Variants in PARD3B observed in about 807,000 individuals in gnomAD.
PARD3B encodes the protein partitioning defective 3 homolog B.
A neutral mutation model predicts 130.2 loss-of-function variants in PARD3B; 103 were observed. The ratio of observed to expected loss-of-function variants is 0.79; its 90% CI spans 0.67 to 0.93. The LOEUF (loss-of-function observed/expected upper bound fraction) is 0.93, where lower values mean the gene tolerates loss of function less well. Among genes scored for constraint, PARD3B ranks in the 40% least tolerant of loss-of-function variants. The pLI is 0.00. For missense variants in PARD3B, 1,609 were observed against 1,499.2 expected, an observed-to-expected ratio of 1.07 and a Z score of -1.21; for synonymous variants, 583 against 553.2, an observed-to-expected ratio of 1.05 and a Z score of -0.76.
chr2:204,625,546 T>A (rs2034458377), intron 1 of PARD3B, among the ~76,000 whole-genome samples: 1 of 152,180 alleles, frequency 6.6e-6, no homozygotes, highest in South Asian at 2.1e-4. Flanking sequence ...ATAAAATACA[T>A]GACATTGGTA....
chr2:205,585,447 A>C lies in PARD3B; in HGVS notation c.3261-30009A>C, dbSNP rs1332540431. ...TTAAAGGGTTAATCCAACCTAATGA[A>C]TCATTTAATGGGGATGAGAAGGCCA... On this transcript the variant is annotated intron_variant, in intron 22 of 22. Transcript: ENST00000406610. The surrounding 1 kb of genome is among the most constrained non-coding windows in gnomAD (Gnocchi z 5.4). 1.3e-5 allele frequency among the ~76,000 whole-genome samples: 2 copies of C among 152,148 alleles called. No individual in the cohort carries two copies. Among genetic ancestry groups the C allele is most frequent in the African/African-American group, 4.8e-5 (2 of 41,436 alleles).
chr2:205,481,696 G>A (rs545881248), intron 20 of PARD3B, among the ~76,000 whole-genome samples: 3 of 152,240 alleles, frequency 2.0e-5, no homozygotes, highest in East Asian at 3.9e-4. Flanking sequence ...TACCCTACTT[G>A]GTTTTACTCT....
intron 1 of PARD3B, among the ~76,000 whole-genome samples, chr2:204,604,839 T>A (rs2033650117): frequency 6.6e-6 from 1 of 152,138 alleles, no homozygotes; most frequent in African/African-American, 2.4e-5. Flanking sequence ...GGCTTGTGGG[T>A]CAGGAATTTG....
chr2:205,084,708 C>T (rs916034317), intron 4 of PARD3B, among the ~76,000 whole-genome samples: 3 of 151,560 alleles, frequency 2.0e-5, no homozygotes, highest in Non-Finnish European at 4.4e-5. Context: ...GGTTTTTGCT[C>T]GTTTTTAGGT....
chr2:204,625,733 A>G (rs2034464391), intron 1 of PARD3B, among the ~76,000 whole-genome samples: 1 of 152,162 alleles, frequency 6.6e-6, no homozygotes, highest in Admixed American at 6.5e-5. Flanking sequence ...CAAGTTATTT[A>G]GGTTATTTAT....
chr2:205,378,281 A>G (rs755335440), intron 18 of PARD3B, among the ~76,000 whole-genome samples: 61 of 152,150 alleles, frequency 4.0e-4, no homozygotes, highest in Non-Finnish European at 7.2e-4. Flanking sequence ...GAATCCATCA[A>G]TCAACCAGTG....
intron 2 of PARD3B, among the ~76,000 whole-genome samples, chr2:204,849,533 T>G (rs1470651583): frequency 6.6e-6 from 1 of 152,204 alleles, no homozygotes; most frequent in African/African-American, 2.4e-5. Flanking sequence ...GTAATCTAAC[T>G]TCTGAACCTT....
chr2:204,956,701 T>C (rs1235854519), intron 2 of PARD3B, among the ~76,000 whole-genome samples: 12 of 152,182 alleles, frequency 7.9e-5, no homozygotes, highest in Non-Finnish European at 1.8e-4. Flanking sequence ...GGGATCATCT[T>C]TGAGAATCTT....
chr2:204,847,079 A>G (rs1356290521), intron 2 of PARD3B, among the ~76,000 whole-genome samples: 1 of 152,094 alleles, frequency 6.6e-6, no homozygotes, highest in Non-Finnish European at 1.5e-5. Context: ...GACTATCGCC[A>G]CGTATTTCTA....
intron 18 of PARD3B, among the ~76,000 whole-genome samples, chr2:205,381,611 A>G (rs1457229124): frequency 6.6e-6 from 1 of 151,996 alleles, no homozygotes; most frequent in Admixed American, 6.6e-5. Flanking sequence ...CGTTAATGCC[A>G]GTCTTCCCAT....
intron 2 of PARD3B, among the ~76,000 whole-genome samples, chr2:204,720,919 A>G (rs1452577797): frequency 6.6e-6 from 1 of 152,114 alleles, no homozygotes; most frequent in Non-Finnish European, 1.5e-5. Context: ...AACCCTGTCT[A>G]TATACTAGAT....
chr2:205,120,787 G>A (rs1401487132), intron 7 of PARD3B, among the ~76,000 whole-genome samples: 3 of 152,166 alleles, frequency 2.0e-5, no homozygotes, highest in African/African-American at 4.8e-5. Context: ...AAAAGTTTTT[G>A]TCTCTCTACT....
At chr2:205,120,668 C>T (rs571457602) in intron 7 of PARD3B, among the ~76,000 whole-genome samples, 3 of 152,292 alleles carry the variant, frequency 2.0e-5, no homozygotes, top group Admixed American at 6.5e-5. Context: ...TTTGCCATCT[C>T]GCCATGTGGC....
intron 20 of PARD3B, among the ~76,000 whole-genome samples, chr2:205,477,247 G>A (rs1013495728): frequency 1.3e-5 from 2 of 152,172 alleles, no homozygotes; most frequent in Non-Finnish European, 2.9e-5. Context: ...GAGCAGATAA[G>A]CACAAGGACT....
At chr2:204,679,833 T>G (rs2036737072) in intron 1 of PARD3B, among the ~76,000 whole-genome samples, 1 of 152,048 alleles carries the variant, frequency 6.6e-6, no homozygotes, top group African/African-American at 2.4e-5. Context: ...CTATATTAAT[T>G]TATGAATAAC....
Position 205,564,687 on chromosome 2 carries a change from G to A in PARD3B, c.3260+11284G>A, listed in dbSNP as rs905924782. Among the ~76,000 whole-genome samples the A allele has an allele frequency of 2.6e-5, 4 of 152,170 alleles. No individual in the cohort carries two copies. In the East Asian group the frequency reaches 7.7e-4, roughly 29 times the overall value. ...AGAGCTTTGGCAGTCAGTTACTATG[G>A]TGGTGCCACCCGAGCCCATCTGTGC... is the stretch of plus-strand genomic sequence containing the variant. On this transcript the variant is annotated intron_variant, in intron 22 of 22. Transcript: ENST00000406610. The surrounding 1 kb of genome is among the most constrained non-coding windows in gnomAD (Gnocchi z 4.6).
intron 4 of PARD3B, among the ~76,000 whole-genome samples, chr2:205,081,284 TA>T (rs138130153): frequency 0.027 from 4,051 of 152,182 alleles, 163 homozygotes; most frequent in African/African-American, 0.089. Flanking sequence ...ACCTGAAATT[TA>T]TTTTTTTCTG....
At chr2:205,445,630 C>G (rs2047881294) in intron 20 of PARD3B, among the ~76,000 whole-genome samples, 1 of 152,146 alleles carries the variant, frequency 6.6e-6, no homozygotes, top group South Asian at 2.1e-4. Flanking sequence ...CCCACCAGGC[C>G]CCACTTCCAA....
intron 2 of PARD3B, among the ~76,000 whole-genome samples, chr2:204,738,395 C>G (rs535101843): frequency 2.0e-5 from 3 of 152,250 alleles, no homozygotes; most frequent in South Asian, 4.1e-4. Flanking sequence ...TATAACAGTG[C>G]TACATTTTTG....
Sources: allele counts gnomAD v4.1 joint callset (sites outside exome capture counted in the v4.1 genomes callset), GRCh38; gene constraint gnomAD v4.1.1; non-coding constraint Gnocchi (gnomAD v3.1); transcripts MANE v1.5; gene names NCBI Gene and HGNC (gene_info 2026-07-23, HGNC 2026-07-21).